APBA2: variants seen among roughly 807,000 people sequenced by gnomAD.
APBA2 encodes the protein amyloid-beta A4 precursor protein-binding family A member 2.
APBA2 carries 30 observed loss-of-function variants against 75.0 expected under a neutral mutation model. That is an observed-to-expected ratio of 0.40 (90% CI 0.30 to 0.54). The LOEUF is 0.54. Among genes scored for constraint, APBA2 ranks in the 20% least tolerant of loss-of-function variants. The pLI is 0.49. For synonymous variants in APBA2, 444 were observed against 409.6 expected (o/e 1.08, Z -1.01); for missense variants, 801 against 1,016.1 (o/e 0.79, Z 2.88).
intron 2 of APBA2, among the ~76,000 whole-genome samples, chr15:28,974,247 G>A (rs1423926669): frequency 2.0e-5 from 3 of 152,188 alleles, no homozygotes; most frequent in African/African-American, 2.4e-5. Flanking sequence ...AAAGAGGGCC[G>A]CTGTCAATGC....
At chr15:29,052,454 C>CAAAAAAA (rs61521872) in intron 3 of APBA2, among the ~76,000 whole-genome samples, 2 of 103,192 alleles carry the variant, frequency 1.9e-5, no homozygotes, top group African/African-American at 1.0e-4. Context: ...GACTCCATCT[C>CAAAAAAA]AAAAAAAAAA....
chr15:28,985,823 A>C (rs1195217049), intron 2 of APBA2, among the ~76,000 whole-genome samples: 1 of 152,136 alleles, frequency 6.6e-6, no homozygotes, highest in African/African-American at 2.4e-5. Context: ...CTGGAATCTG[A>C]AGGAAGGAGA....
intron 2 of APBA2, among the ~76,000 whole-genome samples, chr15:28,985,941 G>A (rs2037901657): frequency 6.6e-6 from 1 of 152,220 alleles, no homozygotes; most frequent in Non-Finnish European, 1.5e-5. Context: ...GCAGGTGGCT[G>A]CCCTGGGCTT....
At chr15:28,937,904 A>G (rs999276765) in intron 2 of APBA2, among the ~76,000 whole-genome samples, 5 of 151,982 alleles carry the variant, frequency 3.3e-5, no homozygotes, top group South Asian at 2.1e-4. Context: ...TGATCCGCCC[A>G]CCTCGGCCTC....
At chr15:28,922,808 C>A (rs2034046072) in intron 2 of APBA2, among the ~76,000 whole-genome samples, 1 of 152,204 alleles carries the variant, frequency 6.6e-6, no homozygotes, top group African/African-American at 2.4e-5. Context: ...CACTGCAGGT[C>A]CTTCAGGTAT....
rs780942475 is a variant in APBA2 at position 29,106,666 on chromosome 15, G to A, written c.1764G>A (p.Trp588Ter). 1.2e-6 allele frequency: 2 copies of A among 1,613,086 alleles called. No homozygotes were observed. The highest frequency in any genetic ancestry group is 8.5e-7 in the Non-Finnish European group (1 of 1,180,004). Residue 588 changes from tryptophan to a stop codon, truncating the protein, a stop_gained, in exon 12 of 15, where the codon TGG becomes TGA. Transcript: ENST00000683413. LOFTEE classifies it high-confidence loss of function. ...GCGTGGTGGTGGTGGAGTCGGGCTGGGGCTCCATCCTGCCCACGGTGATCC... is the reference window on the plus strand; with the variant it reads ...GCGTGGTGGTGGTGGAGTCGGGCTGAGGCTCCATCCTGCCCACGGTGATCC... Reference protein sequence around the residue: ...ILGVVVVESGWGSILPTVILA... With the variant: ...ILGVVVVESG
At chr15:29,029,658 C>T (rs1007995265) in intron 3 of APBA2, among the ~76,000 whole-genome samples, 2 of 150,732 alleles carry the variant, frequency 1.3e-5, no homozygotes, top group Admixed American at 6.6e-5. Context: ...TGTGTGGTAT[C>T]GTGGGGGTGG....
At position 29,009,480 on chromosome 15, in the gene APBA2, G is replaced by A. The variant is rs1332839313; in HGVS notation, c.-41+13674G>A. Among the ~76,000 whole-genome samples, 6 of 152,036 alleles carry A rather than the reference G, an allele frequency of 3.9e-5. No individual in the cohort carries two copies. In the South Asian group the frequency reaches 6.2e-4, roughly 16 times the overall value. ...GTTTATTACCATGAATATTTTCAAA[G>A]TGAACACATCCATGAAACTACCATC... On this transcript the variant is annotated intron_variant, in intron 3 of 14. Coordinates refer to ENST00000683413, the MANE Select transcript of APBA2 (RefSeq NM_001353788.2).
At chr15:29,003,048 T>C (rs1331257618) in intron 3 of APBA2, among the ~76,000 whole-genome samples, 1 of 152,104 alleles carries the variant, frequency 6.6e-6, no homozygotes, top group Non-Finnish European at 1.5e-5. Context: ...TCTGGCTTGA[T>C]GGAGGAGCTA....
chr15:29,102,632 G>C (rs2044181202), intron 10 of APBA2: 1 of 152,258 alleles, frequency 6.6e-6, no homozygotes, highest in African/African-American at 2.4e-5. Context: ...GGTGGTGCGT[G>C]CCTGTAATCC....
Position 28,975,016 on chromosome 15 carries a change from GGA to G in APBA2, c.-94-20726_-94-20725del, listed in dbSNP as rs369460771. On this transcript the variant is annotated intron_variant, in intron 2 of 14. Transcript: ENST00000683413. ...CCTCTGTCTAAGCTAATCATGAAGGGGAGAGAGAGAGACCCCAAACAACACAG... is the reference window on the plus strand; with the variant it reads ...CCTCTGTCTAAGCTAATCATGAAGGGGAGAGAGAGACCCCAAACAACACAG... 4.6e-3 allele frequency among the ~76,000 whole-genome samples: 695 copies of G among 151,962 alleles called. 6 individuals are homozygous for G. Among genetic ancestry groups the G allele is most frequent in the African/African-American group, 0.016 (657 of 41,434 alleles).
At chr15:29,042,339 C>T (rs1263377272) in intron 3 of APBA2, among the ~76,000 whole-genome samples, 7 of 152,162 alleles carry the variant, frequency 4.6e-5, no homozygotes, top group African/African-American at 1.4e-4. Context: ...GTGGCCCGAT[C>T]TCAGCTCACT....
chr15:28,930,510 T>C (rs555700825), intron 2 of APBA2, among the ~76,000 whole-genome samples: 17 of 152,102 alleles, frequency 1.1e-4, no homozygotes, highest in Non-Finnish European at 2.1e-4. Flanking sequence ...ATAGACTCTT[T>C]GGAGCTTCTC....
chr15:29,093,543 CCATT>C (rs2043691418), intron 7 of APBA2, among the ~76,000 whole-genome samples: 1 of 152,212 alleles, frequency 6.6e-6, no homozygotes, highest in Admixed American at 6.5e-5. Flanking sequence ...ATTTTTAGTG[CCATT>C]CAGAGTGCTT....
chr15:29,070,765 G>T (rs892037281), intron 4 of APBA2: 2 of 257,678 alleles, frequency 7.8e-6, no homozygotes, highest in Admixed American at 5.1e-5. Context: ...TGGAGTTCTG[G>T]TGCTGTAGCG....
At chr15:29,004,935 C>T (rs1168036980) in intron 3 of APBA2, among the ~76,000 whole-genome samples, 1 of 152,198 alleles carries the variant, frequency 6.6e-6, no homozygotes, top group African/African-American at 2.4e-5. Context: ...CCGCCTTGGG[C>T]TCTCAAAGTG....
chr15:29,106,526 C>T, intron 11 of APBA2, 81 bp from the exon 12 acceptor site: 3 of 1,474,858 alleles, frequency 2.0e-6, no homozygotes, highest in Non-Finnish European at 2.8e-6. Flanking sequence ...AGGACAGGGT[C>T]AGCCTCATCC....
intron 2 of APBA2, among the ~76,000 whole-genome samples, chr15:28,935,370 C>G (rs866226084): frequency 2.6e-5 from 4 of 151,784 alleles, no homozygotes; most frequent in African/African-American, 9.7e-5. Context: ...AGTTTAGGGT[C>G]CAGGCGGGTG....
At chr15:29,049,107 T>G (rs1375169376) in intron 3 of APBA2, among the ~76,000 whole-genome samples, 1 of 152,174 alleles carries the variant, frequency 6.6e-6, no homozygotes, top group Non-Finnish European at 1.5e-5. Context: ...TAAAGGGTAT[T>G]GGGTTACCTG....
Sources: allele counts gnomAD v4.1 joint callset (sites outside exome capture counted in the v4.1 genomes callset), GRCh38; gene constraint gnomAD v4.1.1; transcripts MANE v1.5; gene names NCBI Gene and HGNC (gene_info 2026-07-23, HGNC 2026-07-21).